PBX1: variants seen among roughly 807,000 people sequenced by gnomAD.
PBX1 encodes PBX homeobox 1.
A neutral mutation model predicts 53.4 loss-of-function variants in PBX1; 6 were observed. That is an observed-to-expected ratio of 0.11 (90% CI 0.06 to 0.22). PBX1 has a LOEUF of 0.22. PBX1 is among the 10% of genes least tolerant of loss of function. The pLI is 1.00. For synonymous variants in PBX1, 204 were observed against 212.3 expected (o/e 0.96, Z 0.34); for missense variants, 251 against 551.4 (o/e 0.46, Z 5.46).
At chr1:164,801,073 A>G (rs1045646940) in intron 4 of PBX1, among the ~76,000 whole-genome samples, 5 of 151,398 alleles carry the variant, frequency 3.3e-5, no homozygotes, top group South Asian at 4.1e-4. Context: ...CTTTTAGTCA[A>G]TGTGTTTTGG....
intron 3 of PBX1, among the ~76,000 whole-genome samples, chr1:164,797,080 T>TATTC (rs1212175058): frequency 6.6e-6 from 1 of 152,210 alleles, no homozygotes; most frequent in East Asian, 1.9e-4. Context: ...AGCAGCTGTT[T>TATTC]AGCAGCTGCT....
Position 164,679,763 on chromosome 1 carries a change from A to G in PBX1, c.266-112731A>G, listed in dbSNP as rs549594512. On this transcript the variant is annotated intron_variant, in intron 2 of 8. Transcript: ENST00000420696. ...AATTTATGCACCTGTGAGTAGCACT[A>G]TAGGTTTTCATTAATGTTTGTGTTC... is the stretch of plus-strand genomic sequence containing the variant. Among the ~76,000 whole-genome samples, 7 of 152,348 alleles carry G rather than the reference A, an allele frequency of 4.6e-5. No homozygotes were observed. In the South Asian group the frequency reaches 1.2e-3, roughly 27 times the overall value.
intron 2 of PBX1, chr1:164,590,224 A>AAGG: frequency 5.2e-6 from 2 of 386,674 alleles, no homozygotes; most frequent in Non-Finnish European, 5.1e-6. Context: ...AAAAAAAAAA[A>AAGG]GCTGGGGGTC....
In PBX1 at chr1:164,862,661, T is replaced by C. The variant is rs192972765; in HGVS notation, n.257+31178T>C. On this transcript the variant is annotated intron_variant and non_coding_transcript_variant, in intron 2 of 2. Transcript: ENST00000558796. ...TGGAGATATGGTGGTTTTGGCTTATTTGCAACACTGTTTAATGTGTCATAG... is the reference window on the plus strand; with the variant it reads ...TGGAGATATGGTGGTTTTGGCTTATCTGCAACACTGTTTAATGTGTCATAG... Among the ~76,000 whole-genome samples, 1,204 of 152,262 alleles carry C rather than the reference T, an allele frequency of 7.9e-3. 18 individuals are homozygous for C. Among genetic ancestry groups the C allele is most frequent in the African/African-American group, 0.028 (1,147 of 41,544 alleles).
At chr1:164,626,033 G>C (rs570816663) in intron 2 of PBX1, 2 of 1,041,184 alleles carry the variant, frequency 1.9e-6, no homozygotes, top group Non-Finnish European at 2.3e-6. Context: ...TTCTACCTCC[G>C]GGAACCCCGT....
chr1:164,787,249 C>T (rs1292381133), intron 2 of PBX1, among the ~76,000 whole-genome samples: 1 of 152,128 alleles, frequency 6.6e-6, no homozygotes, highest in Non-Finnish European at 1.5e-5. Flanking sequence ...GTGCCTTTCC[C>T]CAGACCACCT....
chr1:164,718,506 T>G (rs1213501265), intron 2 of PBX1, among the ~76,000 whole-genome samples: 1 of 152,148 alleles, frequency 6.6e-6, no homozygotes, highest in Non-Finnish European at 1.5e-5. Context: ...ACCAGGGGTA[T>G]TTAAGATTTG....
intron 2 of PBX1, among the ~76,000 whole-genome samples, chr1:164,777,935 A>G (rs1475001707): frequency 1.3e-5 from 2 of 152,244 alleles, no homozygotes; most frequent in Non-Finnish European, 2.9e-5. Context: ...TGCAGGAAAA[A>G]GAAGTATACA....
chr1:164,633,754 C>T (rs1658563710), intron 2 of PBX1, among the ~76,000 whole-genome samples: 1 of 152,166 alleles, frequency 6.6e-6, no homozygotes, highest in Non-Finnish European at 1.5e-5. Context: ...TATTTAACCT[C>T]TCTTTGCTTC....
At chr1:164,866,200 A>T (rs559940121) in intron 2 of PBX1, among the ~76,000 whole-genome samples, 1 of 152,364 alleles carries the variant, frequency 6.6e-6, no homozygotes, top group South Asian at 2.1e-4. Context: ...TGTGGCATCA[A>T]TGATCAAATT....
intron 2 of PBX1, among the ~76,000 whole-genome samples, chr1:164,617,913 C>G (rs2101843208): frequency 6.6e-6 from 1 of 151,948 alleles, no homozygotes; most frequent in South Asian, 2.1e-4. Flanking sequence ...TTTTTTTGCC[C>G]TATATTTTAA....
intron 2 of PBX1, among the ~76,000 whole-genome samples, chr1:164,701,840 T>C (rs1031597870): frequency 6.6e-6 from 1 of 152,216 alleles, no homozygotes; most frequent in East Asian, 1.9e-4. Flanking sequence ...TCAGAAAGTT[T>C]TTTATAATAG....
chr1:164,700,475 A>C, intron 2 of PBX1: 5 of 985,364 alleles, frequency 5.1e-6, no homozygotes, highest in Non-Finnish European at 6.0e-6. Flanking sequence ...TGATTCTCTT[A>C]GTGGCACCCG....
intron 2 of PBX1, among the ~76,000 whole-genome samples, chr1:164,776,978 A>AGGTG (rs1553244688): frequency 2.2e-5 from 1 of 46,444 alleles, no homozygotes; most frequent in African/African-American, 1.2e-4. Context: ...AGAGAGAGAG[A>AGGTG]GGAGGTGTGG....
Position 164,849,481 on chromosome 1 carries a change from C to T in PBX1, c.*2805C>T. ...TGGAAAGAGCATGCCTCTGGAAACA[C>T]AGCTTCCTGGGAATTCACATGAGGC... On this transcript the variant is annotated 3_prime_UTR_variant, in exon 9 of 9. Coordinates refer to ENST00000420696, the MANE Select transcript of PBX1 (RefSeq NM_002585.4). The T allele has an allele frequency of 1.3e-6, 2 of 1,530,326 alleles. No individual in the cohort carries two copies. Among genetic ancestry groups the T allele is most frequent in the Non-Finnish European group, 1.8e-6 (2 of 1,142,826 alleles). The allele number at this position is 1,530,326 out of a possible 1,614,324, so 94.8% of individuals were successfully genotyped here. A position where few individuals can be genotyped will look rare whatever the true frequency, so the allele number is the denominator to read the frequency against.
At position 164,773,799 on chromosome 1, in the gene PBX1, C is replaced by T. The variant is rs79284992; in HGVS notation, c.266-18695C>T. 6.3e-3 allele frequency among the ~76,000 whole-genome samples: 963 copies of T among 152,222 alleles called. 10 individuals carry two copies. The highest frequency in any genetic ancestry group is 0.022 in the African/African-American group (916 of 41,526). On this transcript the variant is annotated intron_variant, in intron 2 of 8. Transcript: ENST00000420696. ...TGGAAAGGATTGGGTGTTGGGAAGG[C>T]ATTGGAAAGCTGGTATTAGAAGAGT...
At chr1:164,707,998 C>T (rs924701010) in intron 2 of PBX1, among the ~76,000 whole-genome samples, 1 of 152,186 alleles carries the variant, frequency 6.6e-6, no homozygotes, top group African/African-American at 2.4e-5. Flanking sequence ...GTGGCTTTGC[C>T]GGAGCATGAC....
At chr1:164,593,975 C>T (rs928301498) in intron 2 of PBX1, among the ~76,000 whole-genome samples, 5 of 152,168 alleles carry the variant, frequency 3.3e-5, no homozygotes, top group Non-Finnish European at 5.9e-5. Flanking sequence ...CCACTTTAGC[C>T]TTCTTTCACC....
chr1:164,634,461 A>G (rs1028283423), intron 2 of PBX1, among the ~76,000 whole-genome samples: 6 of 152,208 alleles, frequency 3.9e-5, no homozygotes, highest in Admixed American at 3.3e-4. Context: ...CACTTTGAAA[A>G]GAGAGTGCTT....
Sources: gnomAD v4.1 joint callset for allele counts (sites outside exome capture counted in the v4.1 genomes callset) on GRCh38, gnomAD v4.1.1 for gene constraint, MANE v1.5 for transcripts, NCBI Gene and HGNC (gene_info 2026-07-23, HGNC 2026-07-21) for gene names.